PTPRA: variants seen among roughly 807,000 people sequenced by gnomAD.
PTPRA encodes receptor-type tyrosine-protein phosphatase alpha.
PTPRA carries 25 observed loss-of-function variants against 104.8 expected under a neutral mutation model. That is an observed-to-expected ratio of 0.24 (90% confidence interval 0.17 to 0.33). The LOEUF (loss-of-function observed/expected upper bound fraction) is 0.33. Among genes scored for constraint, PTPRA ranks in the 10% least tolerant of loss-of-function variants. PTPRA has a pLI of 1.00. For synonymous variants in PTPRA, 323 were observed against 368.9 expected, an observed-to-expected ratio of 0.88 and a Z score of 1.43; for missense variants, 765 against 1,015.3, an observed-to-expected ratio of 0.75 and a Z score of 3.35.
chr20:2,964,719 G>C (rs919419628), intron 4 of PTPRA, 142 bp from the exon 5 acceptor site: 2 of 706,888 alleles, frequency 2.8e-6, no homozygotes, highest in Admixed American at 2.9e-5. Flanking sequence ...AAAAACGTAG[G>C]GGGTGGGTGG....
At chr20:2,865,852 T>G in the PTPRA span, 1 of 452,574 alleles carries the variant, frequency 2.2e-6, no homozygotes, top group Admixed American at 3.8e-5. The surrounding 1 kb of genome is among the most constrained non-coding windows in gnomAD (Gnocchi z 5.2). Flanking sequence ...CTGTTTTCTG[T>G]GGTGGGTAGT....
chr20:2,960,214 C>G (rs951416585), intron 3 of PTPRA, among the ~76,000 whole-genome samples: 3 of 151,698 alleles, frequency 2.0e-5, no homozygotes, highest in African/African-American at 7.3e-5. Context: ...CACCTGCTTA[C>G]TCCTCTCTCC....
chr20:2,885,801 C>G lies in PTPRA; in HGVS notation c.-129+12041C>G, dbSNP rs2090348452. On this transcript the variant is annotated intron_variant, in intron 1 of 23. Coordinates refer to ENST00000399903, the MANE Select transcript of PTPRA (RefSeq NM_001385305.1). ...AGACTTGAGGCTGGGCGTGGTGGCCCACGCCTGTAATCCCAGCACTTTGGG... is the reference window on the plus strand; with the variant it reads ...AGACTTGAGGCTGGGCGTGGTGGCCGACGCCTGTAATCCCAGCACTTTGGG... Among the ~76,000 whole-genome samples the G allele has an allele frequency of 2.6e-5, 4 of 152,284 alleles. 1 individual carries two copies. The South Asian group carries it at 8.3e-4, about 32-fold the overall frequency.
intron 1 of PTPRA, among the ~76,000 whole-genome samples, chr20:2,889,754 C>A (rs2058725377): frequency 6.6e-6 from 1 of 152,106 alleles, no homozygotes; most frequent in Admixed American, 6.6e-5. Flanking sequence ...AGATTTGAGA[C>A]TGGGAAAGGG....
At chr20:2,977,610 A>C (rs2062492411) in intron 6 of PTPRA, among the ~76,000 whole-genome samples, 1 of 151,054 alleles carries the variant, frequency 6.6e-6, no homozygotes, top group South Asian at 2.1e-4. Flanking sequence ...GCGTGACTGT[A>C]CTCTAGCCTG....
intron 10 of PTPRA, among the ~76,000 whole-genome samples, chr20:3,005,869 C>T (rs1446541329): frequency 1.3e-5 from 2 of 151,898 alleles, no homozygotes; most frequent in Non-Finnish European, 2.9e-5. Flanking sequence ...TCAGTTGATC[C>T]ATAAGCTAAC....
At chr20:2,895,782 G>A (rs2058975536) in intron 1 of PTPRA, among the ~76,000 whole-genome samples, 1 of 152,048 alleles carries the variant, frequency 6.6e-6, no homozygotes. Context: ...ACCTGCCTTG[G>A]CCTTCCAAAG....
rs145603154 is a variant in PTPRA at position 2,924,297 on chromosome 20, G to T, written c.-50+1012G>T. ...CACGCCTGTAATCCCAGCTACTCAGGAGGCTAAGACAGGAGAATGGCTTGA... is the reference window on the plus strand; with the variant it reads ...CACGCCTGTAATCCCAGCTACTCAGTAGGCTAAGACAGGAGAATGGCTTGA... On this transcript the variant is annotated intron_variant, in intron 2 of 23. Coordinates refer to ENST00000399903, the MANE Select transcript of PTPRA (RefSeq NM_001385305.1). 6.3e-3 allele frequency among the ~76,000 whole-genome samples: 956 copies of T among 152,332 alleles called. 12 individuals are homozygous for T. The highest frequency in any genetic ancestry group is 0.021 in the African/African-American group (872 of 41,570).
At chr20:2,947,587 C>T (rs1051731674) in intron 2 of PTPRA, among the ~76,000 whole-genome samples, 2 of 152,170 alleles carry the variant, frequency 1.3e-5, no homozygotes, top group Non-Finnish European at 2.9e-5. Context: ...TCACTGCCAG[C>T]GTCTCCACAG....
At chr20:2,971,942 C>G (rs1173128113) in intron 5 of PTPRA, among the ~76,000 whole-genome samples, 1 of 152,106 alleles carries the variant, frequency 6.6e-6, no homozygotes, top group East Asian at 1.9e-4. Context: ...TCAAGTGATT[C>G]CCCTGCCTCA....
rs971875895 is a variant in PTPRA at position 2,909,573 on chromosome 20, C to A, written c.-128-13634C>A. On this transcript the variant is annotated intron_variant, in intron 1 of 23. Coordinates refer to ENST00000399903, the MANE Select transcript of PTPRA (RefSeq NM_001385305.1). ...CTCCAGCCTGGATGAGAGTGAGACTCCATCTCCAAAAAAAACCAAAACAAA... is the reference window on the plus strand; with the variant it reads ...CTCCAGCCTGGATGAGAGTGAGACTACATCTCCAAAAAAAACCAAAACAAA... 2.0e-5 allele frequency among the ~76,000 whole-genome samples: 3 copies of A among 151,420 alleles called. No individual in the cohort carries two copies. The South Asian group carries it at 6.2e-4, about 32-fold the overall frequency.
At chr20:2,954,694 A>G (rs2061474672) in intron 3 of PTPRA, among the ~76,000 whole-genome samples, 1 of 152,062 alleles carries the variant, frequency 6.6e-6, no homozygotes, top group Non-Finnish European at 1.5e-5. Context: ...GAAGTTTTTA[A>G]TATTGATGAG....
intron 3 of PTPRA, among the ~76,000 whole-genome samples, chr20:2,953,918 A>AC (rs1000380631): frequency 7.6e-6 from 1 of 131,284 alleles, no homozygotes; most frequent in Admixed American, 7.7e-5. Context: ...TGTTTTTACT[A>AC]TTTTTTTTTT....
intron 2 of PTPRA, among the ~76,000 whole-genome samples, chr20:2,937,216 C>T (rs144060286): frequency 0.014 from 2,195 of 151,586 alleles, 23 homozygotes; most frequent in Non-Finnish European, 0.017. Flanking sequence ...CTCCACCTCC[C>T]GGGTTCAAGC....
chr20:2,871,606 G>C (rs1334804159), upstream of PTPRA, among the ~76,000 whole-genome samples: 2 of 152,212 alleles, frequency 1.3e-5, no homozygotes, highest in Non-Finnish European at 2.9e-5. Flanking sequence ...TTTGGTTCTA[G>C]AGCATAGGGC....
intron 6 of PTPRA, among the ~76,000 whole-genome samples, chr20:2,980,626 G>A (rs1048186371): frequency 1.3e-5 from 2 of 151,974 alleles, no homozygotes; most frequent in African/African-American, 4.8e-5. Context: ...AAGGCAAGAA[G>A]ATCACTTGAG....
At chr20:2,871,580 A>T (rs2089429739), upstream of PTPRA, among the ~76,000 whole-genome samples, 1 of 152,170 alleles carries the variant, frequency 6.6e-6, no homozygotes, top group Admixed American at 6.5e-5. Flanking sequence ...TATAAGGCAA[A>T]AGTAAGCTGG....
chr20:2,973,609 A>G (rs2062286854), intron 5 of PTPRA, among the ~76,000 whole-genome samples: 1 of 152,080 alleles, frequency 6.6e-6, no homozygotes, highest in Non-Finnish European at 1.5e-5. Flanking sequence ...TTGGTTAGAG[A>G]TAGTTCTCAC....
chr20:3,029,623 G>A lies in PTPRA; in HGVS notation c.1920+1782G>A, dbSNP rs146610944. 3.5e-3 allele frequency among the ~76,000 whole-genome samples: 475 copies of A among 136,908 alleles called. 5 individuals carry two copies. The highest frequency in any genetic ancestry group is 0.013 in the African/African-American group (453 of 36,170). 89.8% of individuals were successfully genotyped at this position (136,908 alleles called of 152,430 possible). A position where few individuals can be genotyped will look rare whatever the true frequency, so the allele number is the denominator to read the frequency against. On this transcript the variant is annotated intron_variant, in intron 20 of 23. Coordinates refer to ENST00000399903, the MANE Select transcript of PTPRA (RefSeq NM_001385305.1). The stretch of plus-strand genomic sequence containing the variant: ...ACAATATGGGCTCATTGCAACCTCT[G>A]CCTCCCAGGTTCTGGCAATTCTCCT...
Sources: allele counts gnomAD v4.1 joint callset (sites outside exome capture counted in the v4.1 genomes callset), GRCh38; gene constraint gnomAD v4.1.1; non-coding constraint Gnocchi (gnomAD v3.1); transcripts MANE v1.5; gene names NCBI Gene and HGNC (gene_info 2026-07-23, HGNC 2026-07-21).